The following TBXAS1 variants were observed in gnomAD, a reference collection of about 807,000 sequenced individuals.
TBXAS1 encodes thromboxane A synthase 1.
Under a neutral mutation model 60.7 loss-of-function variants are expected in TBXAS1, and 48 were observed. That is an observed-to-expected ratio of 0.79 (90% confidence interval 0.63 to 1.01). The LOEUF is 1.01. TBXAS1 is among the 50% of genes least tolerant of loss of function. TBXAS1 has a pLI of 0.00. For synonymous variants in TBXAS1, 287 were observed against 269.7 expected, an observed-to-expected ratio of 1.06 and a Z score of -0.63; for missense variants, 685 against 686.3, an observed-to-expected ratio of 1.00 and a Z score of 0.02.
intron 3 of TBXAS1, among the ~76,000 whole-genome samples, chr7:139,908,567 T>G (rs1373808849): frequency 2.6e-5 from 4 of 152,212 alleles, no homozygotes; most frequent in Non-Finnish European, 5.9e-5. Flanking sequence ...CTTACCATTT[T>G]GAGTGATATG....
chr7:139,994,805 G>A (rs1189479887), intron 9 of TBXAS1, among the ~76,000 whole-genome samples: 1 of 152,072 alleles, frequency 6.6e-6, no homozygotes, highest in African/African-American at 2.4e-5. Flanking sequence ...ACGGAGAAAA[G>A]AGAGCTGTTC....
chr7:139,861,573 T>C (rs539193323), intron 1 of TBXAS1, among the ~76,000 whole-genome samples: 5 of 152,232 alleles, frequency 3.3e-5, no homozygotes, highest in African/African-American at 1.2e-4. Context: ...ATAATTCTAA[T>C]GGCAAAGGAT....
intron 3 of TBXAS1, among the ~76,000 whole-genome samples, chr7:139,903,658 G>A (rs941654175): frequency 6.6e-6 from 1 of 151,900 alleles, no homozygotes; most frequent in Admixed American, 6.6e-5. Flanking sequence ...CAGGAGTAAG[G>A]TTGTATCACA....
Position 139,970,278 on chromosome 7 carries a change from T to G in TBXAS1, c.1134+8045T>G, listed in dbSNP as rs548771220. On this transcript the variant is annotated intron_variant, in intron 9 of 12. Transcript: ENST00000448866. ...CACGCCACCATGCCCAGCTAATTTT[T>G]GTATTTTTAGTAGAGACAGGGTTTC... Among the ~76,000 whole-genome samples the G allele has an allele frequency of 2.0e-5, 3 of 152,316 alleles. No individual in the cohort carries two copies. In the East Asian group the frequency reaches 5.8e-4, roughly 29 times the overall value.
chr7:140,017,977 TCA>T, intron 12 of TBXAS1, 144 bp downstream of exon 12: 1 of 1,081,720 alleles, frequency 9.2e-7, no homozygotes, highest in Non-Finnish European at 1.3e-6. Context: ...TCTCTCGGCC[TCA>T]GTTTCTTGAT....
intron 1 of TBXAS1, among the ~76,000 whole-genome samples, chr7:139,843,170 G>A (rs1267552341): frequency 1.3e-5 from 2 of 151,994 alleles, no homozygotes; most frequent in Non-Finnish European, 2.9e-5. Context: ...CTCCCTTCTT[G>A]GTTTAACTGA....
At chr7:139,966,831 C>G (rs1277715687) in intron 9 of TBXAS1, among the ~76,000 whole-genome samples, 1 of 152,186 alleles carries the variant, frequency 6.6e-6, no homozygotes, top group Non-Finnish European at 1.5e-5. Context: ...AGGATGCCGC[C>G]CTGCGGGAGG....
Position 139,903,683 on chromosome 7 carries a change from G to A in TBXAS1, c.237-7542G>A, listed in dbSNP as rs190462272. ...GTTGTATCACATTGCAGTTTTGATC[G>A]GCATTTCCCTGATCATCAGTGATGC... On this transcript the variant is annotated intron_variant, in intron 3 of 12. Coordinates refer to ENST00000448866, the MANE Select transcript of TBXAS1 (RefSeq NM_001061.7). 4.8e-4 allele frequency among the ~76,000 whole-genome samples: 73 copies of A among 151,980 alleles called. 3 individuals carry two copies. Among genetic ancestry groups the A allele is most frequent in the African/African-American group, 1.6e-3 (68 of 41,380 alleles).
At chr7:139,849,331 A>T (rs888202584) in intron 1 of TBXAS1, among the ~76,000 whole-genome samples, 5 of 152,050 alleles carry the variant, frequency 3.3e-5, no homozygotes, top group African/African-American at 9.7e-5. Context: ...GTGAGCCAAG[A>T]TCGCACCACT....
intron 5 of TBXAS1, among the ~76,000 whole-genome samples, chr7:139,948,990 T>C (rs565345893): frequency 7.4e-4 from 113 of 152,352 alleles, no homozygotes; most frequent in African/African-American, 2.6e-3. Flanking sequence ...CCCCATCTCA[T>C]ATCACATTAA....
chr7:140,018,389 C>T (rs1462537120), intron 12 of TBXAS1, among the ~76,000 whole-genome samples: 3 of 152,132 alleles, frequency 2.0e-5, no homozygotes, highest in Non-Finnish European at 2.9e-5. Flanking sequence ...CAGACACTCA[C>T]GTGTCCCCAT....
intron 4 of TBXAS1, among the ~76,000 whole-genome samples, chr7:139,817,682 G>A (rs1244163227): frequency 1.3e-5 from 2 of 152,164 alleles, no homozygotes; most frequent in Non-Finnish European, 1.5e-5. Context: ...GTGGAGAACT[G>A]AACTAATTAC....
intron 2 of TBXAS1, among the ~76,000 whole-genome samples, chr7:139,874,128 ATC>A (rs747404839): frequency 1.1e-4 from 16 of 151,016 alleles, no homozygotes; most frequent in Non-Finnish European, 1.8e-4. Context: ...TTCTCCTCTC[ATC>A]TCTCTCTCTG....
rs1388092572 is a variant in TBXAS1 at position 140,020,149 on chromosome 7, C to T, written c.*50C>T. Reference sequence around the variant, plus strand: ...AGGGCACCCCCAAATTCAAAGAAAACCCTAAGTGTGGATGTTCAGAATTTT... The same window carrying T: ...AGGGCACCCCCAAATTCAAAGAAAATCCTAAGTGTGGATGTTCAGAATTTT... On this transcript the variant is annotated 3_prime_UTR_variant, in exon 13 of 13. Transcript: ENST00000448866. 1 of 1,580,526 alleles carries T rather than the reference C, an allele frequency of 6.3e-7. No homozygotes were observed. Among genetic ancestry groups the T allele is most frequent in the Admixed American group, 1.7e-5 (1 of 59,880 alleles).
At chr7:139,976,095 A>T (rs956026315) in intron 9 of TBXAS1, among the ~76,000 whole-genome samples, 1 of 151,908 alleles carries the variant, frequency 6.6e-6, no homozygotes, top group African/African-American at 2.4e-5. Context: ...CATTTTCATC[A>T]TTTTCCTTGT....
At chr7:139,919,783 G>A (rs1806305146) in intron 4 of TBXAS1, among the ~76,000 whole-genome samples, 1 of 152,162 alleles carries the variant, frequency 6.6e-6, no homozygotes, top group Non-Finnish European at 1.5e-5. Context: ...CCGAGGTGTT[G>A]GTTTTCTTCA....
intron 10 of TBXAS1, among the ~76,000 whole-genome samples, chr7:140,010,150 T>C (rs1478604676): frequency 6.6e-6 from 1 of 151,488 alleles, no homozygotes; most frequent in Non-Finnish European, 1.5e-5. Flanking sequence ...CCCTATCAGC[T>C]CTGCTGGCTT....
chr7:139,951,834 AG>A (rs1809322888), intron 5 of TBXAS1, among the ~76,000 whole-genome samples: 1 of 66,078 alleles, frequency 1.5e-5, no homozygotes, highest in Non-Finnish European at 3.0e-5. Context: ...GAAAGAGGAA[AG>A]AAAGAAAGAA....
At chr7:139,960,544 G>C (rs1032716076) in intron 8 of TBXAS1, among the ~76,000 whole-genome samples, 1 of 151,886 alleles carries the variant, frequency 6.6e-6, no homozygotes, top group Non-Finnish European at 1.5e-5. Context: ...TCAGGAGTTC[G>C]AGACCAGCCT....
Sources: allele counts gnomAD v4.1 joint callset (sites outside exome capture counted in the v4.1 genomes callset), GRCh38; gene constraint gnomAD v4.1.1; transcripts MANE v1.5; gene names NCBI Gene and HGNC (gene_info 2026-07-23, HGNC 2026-07-21).